The following MED26 variants were observed in gnomAD, a reference collection of about 807,000 sequenced individuals.
MED26 encodes mediator complex subunit 26.
MED26 carries 7 observed loss-of-function variants against 43.7 expected under a neutral mutation model. The ratio of observed to expected loss-of-function variants is 0.16; its 90% confidence interval spans 0.09 to 0.30. MED26 has a LOEUF of 0.30. MED26 is among the 10% of genes least tolerant of loss of function. The probability of loss-of-function intolerance (pLI) is 1.00; values close to 1 mark genes in which losing one functional copy is unlikely to be tolerated. For missense variants in MED26, 784 were observed against 840.6 expected, an observed-to-expected ratio of 0.93 and a Z score of 0.83; for synonymous variants, 375 against 371.1, an observed-to-expected ratio of 1.01 and a Z score of -0.12.
intron 1 of MED26, among the ~76,000 whole-genome samples, chr19:16,603,473 A>G (rs956092151): frequency 6.6e-6 from 1 of 152,104 alleles, no homozygotes; most frequent in African/African-American, 2.4e-5. Context: ...TTTTTTTAAA[A>G]AAAAAATTCT....
At chr19:16,627,809 A>G in intron 1 of MED26, 63 bp downstream of exon 1, 3 of 1,262,268 alleles carry the variant, frequency 2.4e-6, no homozygotes, top group East Asian at 3.1e-5. Context: ...CGAGGGGTAC[A>G]GGAGAGGGGG....
At chr19:16,588,263 T>C (rs188578570) in intron 1 of MED26, 1 of 152,360 alleles carries the variant, frequency 6.6e-6, no homozygotes, top group Admixed American at 6.5e-5. Flanking sequence ...CTGATAAGAA[T>C]GCCAGCTGCA....
intron 1 of MED26, among the ~76,000 whole-genome samples, chr19:16,620,121 A>C (rs1393490044): frequency 6.6e-6 from 1 of 152,172 alleles, no homozygotes; most frequent in Non-Finnish European, 1.5e-5. Context: ...GTTCCAGAGA[A>C]AGCACAGAGC....
intron 1 of MED26, chr19:16,612,153 A>G (rs2086202327): frequency 2.0e-5 from 3 of 152,228 alleles, no homozygotes; most frequent in Admixed American, 6.5e-5. Flanking sequence ...CTTAACATCC[A>G]GTCTTGATTA....
At chr19:16,603,174 G>C (rs1023492177) in intron 1 of MED26, among the ~76,000 whole-genome samples, 5 of 152,342 alleles carry the variant, frequency 3.3e-5, no homozygotes, top group Admixed American at 6.5e-5. Flanking sequence ...GGAGTCTCAT[G>C]TGCAAATAAA....
At chr19:16,608,704 C>G (rs1346908077) in intron 1 of MED26, among the ~76,000 whole-genome samples, 1 of 152,226 alleles carries the variant, frequency 6.6e-6, no homozygotes, top group African/African-American at 2.4e-5. Flanking sequence ...AACACAGTCA[C>G]GCTCATTCAC....
Position 16,576,398 on chromosome 19 carries a change from T to C in MED26, c.1432A>G (p.Lys478Glu). 2 of 1,614,112 alleles carry C rather than the reference T, an allele frequency of 1.2e-6. No homozygotes were observed. Among genetic ancestry groups the C allele is most frequent in the Non-Finnish European group, 1.7e-6 (2 of 1,180,014 alleles). Residue 478 changes from lysine to glutamate, a missense_variant, in exon 3 of 3, where the codon AAG becomes GAG. Transcript: ENST00000263390. This position sits in a 1 kb window ranked among gnomAD's most constrained non-coding sequence, Gnocchi z 6.8. ...ATGATCTCGTTGCGTGACAGCTCCT[T>C]CCAGTTCGTCTGTTCGAAGGGGCTC... The part of the protein sequence containing the change: ...LQSPFEQTNW[K>E]ELSRNEIIQS...
chr19:16,602,110 G>A (rs1041500880), intron 1 of MED26, among the ~76,000 whole-genome samples: 2 of 152,192 alleles, frequency 1.3e-5, no homozygotes, highest in African/African-American at 2.4e-5. Flanking sequence ...TCCTACTGAC[G>A]TGCACCTGCT....
chr19:16,623,761 AC>A (rs960122280), intron 1 of MED26, among the ~76,000 whole-genome samples: 1 of 152,188 alleles, frequency 6.6e-6, no homozygotes, highest in Admixed American at 6.5e-5. Flanking sequence ...CATCTCTCCA[AC>A]TTTCAAGGCA....
intron 1 of MED26, among the ~76,000 whole-genome samples, chr19:16,612,471 A>G (rs1172799212): frequency 6.6e-6 from 1 of 151,892 alleles, no homozygotes; most frequent in Non-Finnish European, 1.5e-5. Flanking sequence ...TTTCTACTAC[A>G]GACAAGGTGT....
intron 1 of MED26, chr19:16,597,585 G>A (rs1047491375): frequency 1.0e-5 from 4 of 396,856 alleles, no homozygotes; most frequent in Admixed American, 4.4e-5. Flanking sequence ...ACACCAACAC[G>A]GTCCTGAGTT....
At chr19:16,602,004 C>T (rs919644155) in intron 1 of MED26, among the ~76,000 whole-genome samples, 5 of 152,110 alleles carry the variant, frequency 3.3e-5, no homozygotes, top group African/African-American at 1.2e-4. Flanking sequence ...CAAGGCAGGC[C>T]GGGAAGCCCA....
At chr19:16,593,958 T>C (rs2086109324) in intron 1 of MED26, among the ~76,000 whole-genome samples, 1 of 152,218 alleles carries the variant, frequency 6.6e-6, no homozygotes, top group African/African-American at 2.4e-5. Context: ...TGGAAGTTAC[T>C]ATGACCACAC....
intron 1 of MED26, among the ~76,000 whole-genome samples, chr19:16,622,089 T>C (rs896939000): frequency 6.6e-6 from 1 of 152,252 alleles, no homozygotes; most frequent in African/African-American, 2.4e-5. Flanking sequence ...AGAGCCTGCC[T>C]GCCTGACTAC....
chr19:16,578,182 A>C (rs2086022750), intron 2 of MED26, 153 bp downstream of exon 2: 2 of 743,046 alleles, frequency 2.7e-6, no homozygotes, highest in East Asian at 5.3e-5. Context: ...TGGGAGAGCA[A>C]GATCGCGAGG....
chr19:16,590,070 CA>C (rs2086088726), intron 1 of MED26, among the ~76,000 whole-genome samples: 1 of 152,242 alleles, frequency 6.6e-6, no homozygotes, highest in Admixed American at 6.5e-5. Flanking sequence ...CTGAGGAGGA[CA>C]AGGGCACTCT....
intron 1 of MED26, among the ~76,000 whole-genome samples, chr19:16,583,004 C>T (rs1398788647): frequency 2.0e-5 from 3 of 152,210 alleles, no homozygotes; most frequent in Non-Finnish European, 4.4e-5. Context: ...TCTGGGATGC[C>T]CTTGGCACCT....
intron 1 of MED26, among the ~76,000 whole-genome samples, chr19:16,590,202 G>A (rs1274248588): frequency 6.6e-6 from 1 of 152,212 alleles, no homozygotes; most frequent in African/African-American, 2.4e-5. Flanking sequence ...ACCCTGCAGG[G>A]CACTGGGGTC....
intron 1 of MED26, among the ~76,000 whole-genome samples, chr19:16,618,761 G>A (rs2086237269): frequency 6.6e-6 from 1 of 152,156 alleles, no homozygotes; most frequent in Non-Finnish European, 1.5e-5. Flanking sequence ...GGACTGTTTG[G>A]GTGGAACCCA....
Sources: allele counts gnomAD v4.1 joint callset (sites outside exome capture counted in the v4.1 genomes callset), GRCh38; gene constraint gnomAD v4.1.1; non-coding constraint Gnocchi (gnomAD v3.1); transcripts MANE v1.5; gene names NCBI Gene and HGNC (gene_info 2026-07-23, HGNC 2026-07-21).